The following PTPRD variants were observed in gnomAD, a reference collection of about 807,000 sequenced individuals.
PTPRD encodes the protein receptor-type tyrosine-protein phosphatase delta.
PTPRD carries 34 observed loss-of-function variants against 214.5 expected under a neutral mutation model. The ratio of observed to expected loss-of-function variants is 0.16; its 90% confidence interval spans 0.12 to 0.21. PTPRD has a LOEUF of 0.21. Ranked by LOEUF, PTPRD falls within the 10% of genes least tolerant of loss-of-function variation. The pLI is 1.00. For missense variants in PTPRD, 2,545 were observed against 2,398.7 expected (o/e 1.06, Z -1.27); for synonymous variants, 1,128 against 845.7 (o/e 1.33, Z -5.79).
At chr9:8,902,123 A>T (rs10815992) in intron 11 of PTPRD, among the ~76,000 whole-genome samples, 33,349 of 140,746 alleles carry the variant, frequency 0.24, 4,084 homozygotes, top group East Asian at 0.55. Context: ...TACTATGCAC[A>T]TATTGACATA....
At chr9:9,907,782 CACTCTTTAAAAT>C (rs2078020818) in intron 5 of PTPRD, among the ~76,000 whole-genome samples, 1 of 151,916 alleles carries the variant, frequency 6.6e-6, no homozygotes, top group African/African-American at 2.4e-5. Context: ...TAACCATAAG[CACTCTTTAAAAT>C]CAGAACCCTA....
chr9:8,756,358 T>G (rs1376825433), intron 11 of PTPRD, among the ~76,000 whole-genome samples: 1 of 152,242 alleles, frequency 6.6e-6, no homozygotes, highest in Admixed American at 6.5e-5. Context: ...GACAAAGATT[T>G]TTTTTAAATA....
At chr9:9,577,830 G>C (rs1026292772) in intron 7 of PTPRD, among the ~76,000 whole-genome samples, 7 of 151,930 alleles carry the variant, frequency 4.6e-5, no homozygotes, top group African/African-American at 1.7e-4. Context: ...TGGATCACCT[G>C]AGGTTGGGAG....
intron 2 of PTPRD, among the ~76,000 whole-genome samples, chr9:10,430,425 T>G (rs999898226): frequency 6.6e-6 from 1 of 151,910 alleles, no homozygotes; most frequent in Non-Finnish European, 1.5e-5. Flanking sequence ...TATATACAGA[T>G]AGATAGATAC....
intron 3 of PTPRD, among the ~76,000 whole-genome samples, chr9:10,248,511 CAA>C (rs869102479): frequency 2.6e-4 from 3 of 11,708 alleles, no homozygotes; most frequent in African/African-American, 2.2e-4. Context: ...GTACATATAG[CAA>C]AAAAAAAAAA....
rs187309116 is a variant in PTPRD, at chr9:8,575,589, G to A, written c.353-46810C>T. On this transcript the variant is annotated intron_variant, in intron 14 of 45. Coordinates refer to ENST00000381196, the MANE Select transcript of PTPRD (RefSeq NM_002839.4). ...AGACCAGTGTCTCTGCAAAAACGTG[G>A]CTGCAGAAGAGATATATTCGTTTAT... is the stretch of plus-strand genomic sequence containing the variant. Among the ~76,000 whole-genome samples, 115 of 152,194 alleles carry A rather than the reference G, an allele frequency of 7.6e-4. 1 individual carries two copies. The highest frequency in any genetic ancestry group is 1.3e-3 in the Non-Finnish European group (86 of 67,982).
intron 11 of PTPRD, among the ~76,000 whole-genome samples, chr9:8,758,144 G>A (rs535742340): frequency 1.3e-5 from 2 of 152,156 alleles, no homozygotes; most frequent in African/African-American, 4.8e-5. Context: ...GATGCAGGAA[G>A]GATTTTGAGG....
chr9:9,910,977 G>C (rs999504744), intron 5 of PTPRD, among the ~76,000 whole-genome samples: 1 of 139,314 alleles, frequency 7.2e-6, no homozygotes, highest in Non-Finnish European at 1.5e-5. Flanking sequence ...GCTTTGGTTT[G>C]GTGTCTAGTT....
At chr9:8,668,585 G>C (rs748717801) in intron 12 of PTPRD, among the ~76,000 whole-genome samples, 1 of 152,040 alleles carries the variant, frequency 6.6e-6, no homozygotes, top group African/African-American at 2.4e-5. Flanking sequence ...AAGACTAGAC[G>C]ATTTACTTGT....
At chr9:8,455,806 C>T (rs1181500664) in intron 33 of PTPRD, among the ~76,000 whole-genome samples, 3 of 152,154 alleles carry the variant, frequency 2.0e-5, no homozygotes, top group Non-Finnish European at 4.4e-5. Flanking sequence ...ATCAGGGAAT[C>T]AGTTGTAGAA....
intron 5 of PTPRD, among the ~76,000 whole-genome samples, chr9:9,917,301 T>TA (rs1488114999): frequency 9.6e-5 from 2 of 20,846 alleles, no homozygotes; most frequent in African/African-American, 4.6e-4. Context: ...TTAGCTAGAC[T>TA]GAAAAAAAAA....
chr9:9,233,179 C>T (rs144052031), intron 9 of PTPRD, among the ~76,000 whole-genome samples: 18 of 152,148 alleles, frequency 1.2e-4, no homozygotes, highest in South Asian at 2.1e-4. Flanking sequence ...ACAAAGCTGG[C>T]GAGGCCTCAG....
At chr9:8,750,638 C>T (rs890248270) in intron 11 of PTPRD, among the ~76,000 whole-genome samples, 1 of 152,102 alleles carries the variant, frequency 6.6e-6, no homozygotes, top group East Asian at 1.9e-4. Context: ...AGAAGAAATG[C>T]AGAAAAGCTT....
chr9:10,383,324 A>G (rs2097855703), intron 2 of PTPRD, among the ~76,000 whole-genome samples: 1 of 151,858 alleles, frequency 6.6e-6, no homozygotes, highest in Admixed American at 6.6e-5. Flanking sequence ...TTAAAAAGAG[A>G]ATGCCTTTAA....
Position 10,351,073 on chromosome 9 carries a change from C to T in PTPRD, c.-599-10056G>A, listed in dbSNP as rs570346881. On this transcript the variant is annotated intron_variant, in intron 2 of 45. Transcript: ENST00000381196. ...CAAAAGGAGGTTCACTAGGAAGATA[C>T]CAAAAAGAGAAGTCATGATACATAA... Among the ~76,000 whole-genome samples the T allele has an allele frequency of 6.6e-5, 10 of 151,930 alleles. No homozygotes were observed. The East Asian group carries it at 1.2e-3, about 18-fold the overall frequency.
In PTPRD at chr9:9,258,330, G is replaced by A. The variant is rs111532086; in HGVS notation, c.-202-74967C>T. ...GCAGTAGTAGATTATGACATCATCT[G>A]AAACCCCAGGATACACATTTAGAGC... On this transcript the variant is annotated intron_variant, in intron 9 of 45. Transcript: ENST00000381196. 4.1e-3 allele frequency among the ~76,000 whole-genome samples: 624 copies of A among 151,942 alleles called. 6 individuals carry two copies. Among genetic ancestry groups the A allele is most frequent in the African/African-American group, 0.014 (593 of 41,500 alleles).
chr9:8,451,471 T>C lies in PTPRD; in HGVS notation c.3876-1634A>G, dbSNP rs142102260. Among the ~76,000 whole-genome samples the C allele has an allele frequency of 1.1e-3, 162 of 152,202 alleles. 1 individual carries two copies. The highest frequency in any genetic ancestry group is 3.7e-3 in the African/African-American group (153 of 41,532). ...AGACAAAGGGCTGGTGAAAAAGATA[T>C]GAGGACGAAGAAAAAGACAGGCTCA... On this transcript the variant is annotated intron_variant, in intron 33 of 45. Coordinates refer to ENST00000381196, the MANE Select transcript of PTPRD (RefSeq NM_002839.4).
Position 9,432,927 on chromosome 9 carries a change from T to C in PTPRD, c.-236-35445A>G, listed in dbSNP as rs1053326142. On this transcript the variant is annotated intron_variant, in intron 8 of 45. Coordinates refer to ENST00000381196, the MANE Select transcript of PTPRD (RefSeq NM_002839.4). The stretch of plus-strand genomic sequence containing the variant: ...ATTCCCAGAGTTGCAGACAATGCTT[T>C]ACTTTCAAATATTCACTAAGAGCAT... 3.9e-5 allele frequency among the ~76,000 whole-genome samples: 6 copies of C among 152,310 alleles called. No homozygotes were observed. In the South Asian group the frequency reaches 8.3e-4, roughly 21 times the overall value.
At chr9:8,319,333 G>C (rs1385702927) in intron 45 of PTPRD, among the ~76,000 whole-genome samples, 1 of 151,958 alleles carries the variant, frequency 6.6e-6, no homozygotes, top group East Asian at 1.9e-4. Context: ...TATTGGAATA[G>C]GAAATGAGGG....
Sources: gnomAD v4.1 joint callset for allele counts (sites outside exome capture counted in the v4.1 genomes callset) on GRCh38, gnomAD v4.1.1 for gene constraint, MANE v1.5 for transcripts, NCBI Gene and HGNC (gene_info 2026-07-23, HGNC 2026-07-21) for gene names.